The following TNRC6A variants were observed in gnomAD, a reference collection of about 807,000 sequenced individuals.
TNRC6A encodes the protein trinucleotide repeat-containing gene 6A protein.
Under a neutral mutation model 221.2 loss-of-function variants are expected in TNRC6A, and 44 were observed. The observed-to-expected ratio is 0.20, with a 90% CI of 0.16 to 0.26. TNRC6A has a LOEUF of 0.26. TNRC6A is among the 10% of genes least tolerant of loss of function. The probability of loss-of-function intolerance (pLI) is 1.00; values close to 1 mark genes in which losing one functional copy is unlikely to be tolerated. For missense variants in TNRC6A, 2,199 were observed against 2,404.4 expected (o/e 0.91, Z 1.79); for synonymous variants, 847 against 838.5 (o/e 1.01, Z -0.18).
chr16:24,751,655 A>T (rs192323686), intron 3 of TNRC6A, among the ~76,000 whole-genome samples: 1 of 152,324 alleles, frequency 6.6e-6, no homozygotes, highest in African/African-American at 2.4e-5. Context: ...TACTGTTTCA[A>T]TTATCTGTTG....
chr16:24,793,037 C>T (rs1367762704), intron 6 of TNRC6A, among the ~76,000 whole-genome samples: 2 of 152,132 alleles, frequency 1.3e-5, no homozygotes, highest in Non-Finnish European at 2.9e-5. Context: ...GATCCACCTG[C>T]CTCAGCCTCC....
chr16:24,817,833 C>T (rs1433606323), intron 20 of TNRC6A, among the ~76,000 whole-genome samples: 4 of 152,098 alleles, frequency 2.6e-5, no homozygotes, highest in Non-Finnish European at 5.9e-5. Context: ...CAGCTCTGCC[C>T]GCTATGGGAA....
intron 11 of TNRC6A, among the ~76,000 whole-genome samples, chr16:24,798,590 T>C (rs1310685580): frequency 6.6e-6 from 1 of 152,134 alleles, no homozygotes; most frequent in Non-Finnish European, 1.5e-5. Flanking sequence ...AACCAGTAGA[T>C]AGTTGTTGCA....
At position 24,644,321 on chromosome 16, in the gene TNRC6A, G is replaced by T. The variant is rs186024328; in HGVS notation, n.402+3312G>T. On this transcript the variant is annotated intron_variant and non_coding_transcript_variant, in intron 2 of 2. Coordinates refer to the TNRC6A transcript ENST00000566108. ...AGCTTGTTTTGTTTTTTGAGACAGGGTCTCACTCTGTCCACCAGGCTGGAG... is the reference window on the plus strand; with the variant it reads ...AGCTTGTTTTGTTTTTTGAGACAGGTTCTCACTCTGTCCACCAGGCTGGAG... 6.4e-4 allele frequency among the ~76,000 whole-genome samples: 97 copies of T among 151,634 alleles called. No individual in the cohort carries two copies. The East Asian group carries it at 0.016, about 25-fold the overall frequency.
intron 17 of TNRC6A, among the ~76,000 whole-genome samples, chr16:24,808,312 G>C (rs2058475687): frequency 6.6e-6 from 1 of 152,248 alleles, no homozygotes. Flanking sequence ...AAGAAAGTCT[G>C]CTTAGCCCAT....
intron 22 of TNRC6A, among the ~76,000 whole-genome samples, chr16:24,821,298 C>G (rs540710789): frequency 6.6e-6 from 1 of 152,226 alleles, no homozygotes; most frequent in East Asian, 1.9e-4. Context: ...TGAAAGTGGC[C>G]CAGGAACCCA....
At chr16:24,716,552 C>T (rs566419993) in intron 2 of TNRC6A, among the ~76,000 whole-genome samples, 11 of 152,206 alleles carry the variant, frequency 7.2e-5, no homozygotes, top group Admixed American at 1.3e-4. Flanking sequence ...GCCTGTAGTC[C>T]CAGCTACTTG....
intron 5 of TNRC6A, among the ~76,000 whole-genome samples, chr16:24,784,700 A>C (rs760621543): frequency 6.6e-6 from 1 of 152,200 alleles, no homozygotes; most frequent in Non-Finnish European, 1.5e-5. Context: ...AATTTTTAAA[A>C]TAATCTTTAG....
rs1160340311 is a variant in TNRC6A, at chr16:24,805,093, T to G, written c.4064T>G (p.Leu1355Arg). The change falls in exon 14 of 25, where the codon CTT (leucine) becomes CGT (arginine). Residue 1355 changes from leucine (L) to arginine (R), a missense_variant. Physicochemically the swap from Leu to Arg is moderately radical, Grantham distance 102 (BLOSUM62 -2). Around this residue, in one of 8 missense-constraint regions of TNRC6A, gnomAD observed 449 missense variants for 579.7 expected, o/e 0.77. Transcript: ENST00000395799. ...RGMQQPPAQP[L>R]SSSQPNLRAQ... ...ATGCAGCAGCCTCCAGCACAACCTC[T>G]TAGTTCATCTCAGCCTAATCTCCGT... The G allele has an allele frequency of 3.7e-6, 6 of 1,614,200 alleles. No homozygotes were observed. Among genetic ancestry groups the G allele is most frequent in the Admixed American group, 1.7e-5 (1 of 60,028 alleles).
At chr16:24,805,185 C>T (rs758451161) in intron 14 of TNRC6A, 34 bp downstream of exon 14, 1 of 1,605,708 alleles carries the variant, frequency 6.2e-7, no homozygotes, top group South Asian at 1.1e-5. Context: ...TCCTGTTTAC[C>T]TGCAAAAAGG....
chr16:24,808,938 AG>A (rs1418966463), intron 17 of TNRC6A, among the ~76,000 whole-genome samples: 1 of 152,174 alleles, frequency 6.6e-6, no homozygotes, highest in Non-Finnish European at 1.5e-5. Context: ...TCATCAGCAA[AG>A]GTCAAGTAAA....
chr16:24,738,975 C>G (rs1283125094), intron 2 of TNRC6A, among the ~76,000 whole-genome samples: 1 of 152,196 alleles, frequency 6.6e-6, no homozygotes, highest in Non-Finnish European at 1.5e-5. Context: ...TCACCACTGC[C>G]TCCCAGGTAG....
rs1484631771 is a variant in TNRC6A, at chr16:24,790,982, A to C, written c.2340A>C (p.Val780=). The change falls in exon 6 of 25, where the codon GTA becomes GTC. Residue 780 remains valine (V), a synonymous_variant. Transcript: ENST00000395799. ...TSPNGNDTSS[V]SGWGDPKPAL... is the part of the protein sequence containing the mutation. Reference sequence around the variant, plus strand: ...CTAATGGTAATGATACCTCATCTGTATCAGGGTGGGGCGATCCCAAACCTG... The same window carrying C: ...CTAATGGTAATGATACCTCATCTGTCTCAGGGTGGGGCGATCCCAAACCTG... 2 of 1,604,536 alleles carry C rather than the reference A, an allele frequency of 1.2e-6. No individual in the cohort carries two copies. Among genetic ancestry groups the C allele is most frequent in the Admixed American group, 1.7e-5 (1 of 59,476 alleles).
chr16:24,613,716 A>G (rs1488863894), intron 1 of TNRC6A, among the ~76,000 whole-genome samples: 2 of 151,522 alleles, frequency 1.3e-5, no homozygotes, highest in African/African-American at 4.8e-5. Flanking sequence ...TTGTATTTTT[A>G]GTAGAAACGT....
chr16:24,754,826 A>C (rs1053128728), intron 3 of TNRC6A, among the ~76,000 whole-genome samples: 3 of 152,156 alleles, frequency 2.0e-5, no homozygotes, highest in Non-Finnish European at 4.4e-5. Flanking sequence ...TGGTGTTGAG[A>C]ATGTTTCAAC....
rs748243724 is a variant in TNRC6A at position 24,806,731 on chromosome 16, C to G, written c.4487C>G (p.Pro1496Arg). 5 of 1,614,164 alleles carry G rather than the reference C, an allele frequency of 3.1e-6. No individual in the cohort carries two copies. The highest frequency in any genetic ancestry group is 4.2e-6 in the Non-Finnish European group (5 of 1,180,026). Residue 1496 changes from proline to arginine, a missense_variant, in exon 17 of 25, where the codon CCT (proline) becomes CGT (arginine). This residue lies in a region of TNRC6A where 449 missense variants were observed against 579.7 expected (regional missense o/e 0.77). Coordinates refer to ENST00000395799, the MANE Select transcript of TNRC6A (RefSeq NM_014494.4). ...FLDNVMPHTTPELQKGPSPIN... is the reference protein window; with the variant it reads ...FLDNVMPHTTRELQKGPSPIN... ...GACAATGTCATGCCCCACACTACAC[C>G]TGAGCTGCAAAAAGGGCCATCACCA...
At chr16:24,619,534 T>C (rs1410193328) in intron 1 of TNRC6A, among the ~76,000 whole-genome samples, 1 of 152,212 alleles carries the variant, frequency 6.6e-6, no homozygotes, top group Non-Finnish European at 1.5e-5. Flanking sequence ...GAGCTGTCAC[T>C]CTAGACATGT....
intron 1 of TNRC6A, among the ~76,000 whole-genome samples, chr16:24,627,380 G>C (rs1358166484): frequency 6.6e-6 from 1 of 152,010 alleles, no homozygotes; most frequent in Admixed American, 6.6e-5. Context: ...AGTAGCTCTG[G>C]GGTCTTCATC....
At chr16:24,721,856 CTCT>C in intron 2 of TNRC6A, among the ~76,000 whole-genome samples, 1 of 152,328 alleles carries the variant, frequency 6.6e-6, no homozygotes, top group South Asian at 2.1e-4. Context: ...ATATGAATGA[CTCT>C]CACAGGCACG....
Sources: allele counts gnomAD v4.1 joint callset (sites outside exome capture counted in the v4.1 genomes callset), GRCh38; gene constraint gnomAD v4.1.1; regional missense constraint gnomAD v4.1.1; transcripts MANE v1.5; gene names NCBI Gene and HGNC (gene_info 2026-07-23, HGNC 2026-07-21).